Variants in LRRC49 observed in about 807,000 individuals in gnomAD.
The protein encoded by LRRC49 is leucine rich repeat containing 49, also known as leucine-rich repeat-containing protein 49.
In LRRC49, 50 loss-of-function variants were observed where a neutral mutation model predicts 83.3. The observed-to-expected ratio is 0.60, with a 90% CI of 0.48 to 0.76. The LOEUF is 0.76. LRRC49 is among the 30% of genes least tolerant of loss of function. The pLI is 0.00. For missense variants in LRRC49, 704 were observed against 809.1 expected, an observed-to-expected ratio of 0.87 and a Z score of 1.58; for synonymous variants, 286 against 283.3, an observed-to-expected ratio of 1.01 and a Z score of -0.10.
At chr15:70,961,013 A>G (rs1209397703) in intron 8 of LRRC49, among the ~76,000 whole-genome samples, 2 of 152,200 alleles carry the variant, frequency 1.3e-5, no homozygotes, top group Non-Finnish European at 2.9e-5. Context: ...ACTGAGATAA[A>G]TATTTGCAAA....
chr15:70,868,188 T>C (rs2032953066), intron 1 of LRRC49, among the ~76,000 whole-genome samples: 1 of 152,224 alleles, frequency 6.6e-6, no homozygotes, highest in Admixed American at 6.5e-5. Context: ...TTTTGTATTC[T>C]TGTGTAACCA....
At chr15:70,963,975 T>A in intron 9 of LRRC49, 43 bp downstream of exon 9, 3 of 1,577,662 alleles carry the variant, frequency 1.9e-6, no homozygotes, top group Non-Finnish European at 2.6e-6. Flanking sequence ...TTGTCCTTAG[T>A]GTGGATTAGG....
At position 71,031,043 on chromosome 15, in the gene LRRC49, A is replaced by G. The variant is rs190287242; in HGVS notation, c.1704-6136A>G. Among the ~76,000 whole-genome samples, 145 of 152,126 alleles carry G rather than the reference A, an allele frequency of 9.5e-4. 1 individual carries two copies. Among genetic ancestry groups the G allele is most frequent in the Non-Finnish European group, 1.5e-3 (101 of 67,994 alleles). ...CTCATTCTCTGTCCAGATTTGTGCC[A>G]TTGCTGGGGAGGAGTTGCAATCATT... On this transcript the variant is annotated intron_variant, in intron 14 of 15. Coordinates refer to ENST00000260382, the MANE Select transcript of LRRC49 (RefSeq NM_017691.5).
At chr15:70,915,024 CCAT>C (rs769348892) in intron 6 of LRRC49, among the ~76,000 whole-genome samples, 1 of 152,176 alleles carries the variant, frequency 6.6e-6, no homozygotes, top group Non-Finnish European at 1.5e-5. Context: ...TCCAACATTC[CCAT>C]CATCTTTTTT....
chr15:71,027,253 A>T (rs957030265), intron 14 of LRRC49, among the ~76,000 whole-genome samples: 10 of 152,126 alleles, frequency 6.6e-5, no homozygotes, highest in African/African-American at 2.4e-4. Flanking sequence ...AGATGGTTGT[A>T]GATGTGTGGT....
chr15:71,036,915 T>TA (rs2039537368), intron 14 of LRRC49, among the ~76,000 whole-genome samples: 1 of 152,132 alleles, frequency 6.6e-6, no homozygotes, highest in African/African-American at 2.4e-5. Flanking sequence ...TGATTTTTAT[T>TA]AAAGGAGAGT....
At chr15:70,857,476 A>G (rs2032680589) in intron 1 of LRRC49, among the ~76,000 whole-genome samples, 1 of 152,164 alleles carries the variant, frequency 6.6e-6, no homozygotes, top group African/African-American at 2.4e-5. Context: ...AGCTTGGGCA[A>G]CAGAGACCCC....
intron 11 of LRRC49, among the ~76,000 whole-genome samples, chr15:70,993,075 C>A (rs1438432209): frequency 6.6e-6 from 1 of 152,210 alleles, no homozygotes; most frequent in Non-Finnish European, 1.5e-5. Context: ...CAAGCCTCAG[C>A]AATGGTGGGT....
At chr15:70,870,201 G>A (rs2032997436) in intron 1 of LRRC49, among the ~76,000 whole-genome samples, 1 of 152,234 alleles carries the variant, frequency 6.6e-6, no homozygotes, top group Admixed American at 6.5e-5. Flanking sequence ...ATAGAGCATG[G>A]TTTTCTCCAT....
At chr15:70,994,214 A>G (rs1224799667) in intron 11 of LRRC49, among the ~76,000 whole-genome samples, 3 of 152,160 alleles carry the variant, frequency 2.0e-5, no homozygotes, top group African/African-American at 4.8e-5. Flanking sequence ...TGACTAGTCA[A>G]TTTGCTAATA....
chr15:70,952,220 T>C (rs1241363924), intron 8 of LRRC49, among the ~76,000 whole-genome samples: 1 of 151,898 alleles, frequency 6.6e-6, no homozygotes, highest in Non-Finnish European at 1.5e-5. Flanking sequence ...ATGAAGCTTT[T>C]TTTTTTTTTT....
At chr15:70,892,198 C>G, upstream of LRRC49, 1 of 1,606,640 alleles carries the variant, frequency 6.2e-7, no homozygotes, top group African/African-American at 1.3e-5. Flanking sequence ...CGGCCCGGTC[C>G]TTGGGAAAGC....
intron 2 of LRRC49, chr15:70,883,033 T>C (rs1282554978): frequency 2.3e-6 from 2 of 874,900 alleles, no homozygotes; most frequent in Non-Finnish European, 3.4e-6. Flanking sequence ...AAGGCTGATA[T>C]TTGAACCTAG....
At chr15:70,966,394 A>G (rs2036795775) in intron 9 of LRRC49, among the ~76,000 whole-genome samples, 1 of 152,064 alleles carries the variant, frequency 6.6e-6, no homozygotes, top group African/African-American at 2.4e-5. Context: ...ATGACCTCAC[A>G]CTATATTTGT....
chr15:71,036,200 T>C (rs1415421621), intron 14 of LRRC49, among the ~76,000 whole-genome samples: 1 of 152,230 alleles, frequency 6.6e-6, no homozygotes, highest in African/African-American at 2.4e-5. Context: ...TTTGTTTTTT[T>C]CTTGTAAATT....
chr15:71,048,539 T>C (rs887103747), intron 15 of LRRC49, among the ~76,000 whole-genome samples: 1 of 152,238 alleles, frequency 6.6e-6, no homozygotes, highest in African/African-American at 2.4e-5. Flanking sequence ...TTCATTGATG[T>C]GCATTACTTC....
chr15:70,896,235 A>G (rs1437665391), intron 3 of LRRC49, among the ~76,000 whole-genome samples: 1 of 152,156 alleles, frequency 6.6e-6, no homozygotes, highest in African/African-American at 2.4e-5. Context: ...CGCTAATTAG[A>G]GTAAGAGTAT....
chr15:70,997,711 A>G (rs1166141681), intron 11 of LRRC49, among the ~76,000 whole-genome samples: 3 of 152,214 alleles, frequency 2.0e-5, no homozygotes, highest in African/African-American at 7.2e-5. Context: ...AGATTGTGCC[A>G]TTGCACTCCA....
chr15:70,900,364 T>C (rs1390110327), intron 3 of LRRC49: 1 of 417,644 alleles, frequency 2.4e-6, no homozygotes, highest in Admixed American at 2.6e-5. Context: ...TGGCTGAACT[T>C]ACAAAGAAAG....
Sources: allele counts gnomAD v4.1 joint callset (sites outside exome capture counted in the v4.1 genomes callset), GRCh38; gene constraint gnomAD v4.1.1; transcripts MANE v1.5; gene names NCBI Gene and HGNC (gene_info 2026-07-23, HGNC 2026-07-21).